Variants in SULF2 observed in about 807,000 individuals in gnomAD.
The protein encoded by SULF2 is sulfatase 2, also known as extracellular sulfatase Sulf-2.
A neutral mutation model predicts 107.7 loss-of-function variants in SULF2; 52 were observed. The ratio of observed to expected loss-of-function variants is 0.48; its 90% CI spans 0.39 to 0.61. The LOEUF is 0.61. Among genes scored for constraint, SULF2 ranks in the 20% least tolerant of loss-of-function variants. The pLI, the probability that SULF2 is intolerant of heterozygous loss-of-function variation, is 0.00. For missense variants in SULF2, 993 were observed against 1,177.3 expected (o/e 0.84, Z 2.29); for synonymous variants, 460 against 464.3 (o/e 0.99, Z 0.12).
chr20:47,663,679 G>A, intron 15 of SULF2, 57 bp from the exon 16 acceptor site: 1 of 1,506,342 alleles, frequency 6.6e-7, no homozygotes, highest in Non-Finnish European at 8.9e-7. Context: ...GTGACCCCAT[G>A]TCTCTGCTCT....
chr20:47,721,315 C>T (rs767149956), intron 3 of SULF2, among the ~76,000 whole-genome samples: 16 of 151,462 alleles, frequency 1.1e-4, no homozygotes, highest in Non-Finnish European at 2.2e-4. Context: ...GGAAGCAGAG[C>T]GAGCTGGGGG....
At chr20:47,691,044 G>A (rs1484889486) in intron 4 of SULF2, among the ~76,000 whole-genome samples, 1 of 152,190 alleles carries the variant, frequency 6.6e-6, no homozygotes, top group East Asian at 1.9e-4. Flanking sequence ...GCACAGAGAA[G>A]CTAAGTAAAT....
chr20:47,694,279 C>A lies in SULF2; in HGVS notation c.568-3984G>T, dbSNP rs970686431. 6.6e-6 allele frequency among the ~76,000 whole-genome samples: 1 copy of A among 152,110 alleles called. No homozygotes were observed. The highest frequency in any genetic ancestry group is 1.5e-5 in the Non-Finnish European group (1 of 68,020). Reference sequence around the variant, plus strand: ...TGCTCAGGGGCAGCCAGGACAGCCACTGGGTGGATGTGGGGTGCGGGAGGG... The same window carrying A: ...TGCTCAGGGGCAGCCAGGACAGCCAATGGGTGGATGTGGGGTGCGGGAGGG... On this transcript the variant is annotated intron_variant, in intron 4 of 20. Transcript: ENST00000688720. This position sits in a 1 kb window ranked among gnomAD's most constrained non-coding sequence, Gnocchi z 4.4.
chr20:47,771,063 C>G (rs2090620808), intron 1 of SULF2, among the ~76,000 whole-genome samples: 1 of 152,200 alleles, frequency 6.6e-6, no homozygotes, highest in Non-Finnish European at 1.5e-5. Flanking sequence ...AACAGTCAGT[C>G]CTGCTGGGTC....
chr20:47,739,781 C>A (rs548164588), intron 2 of SULF2, among the ~76,000 whole-genome samples: 53 of 152,238 alleles, frequency 3.5e-4, no homozygotes, highest in Admixed American at 6.5e-4. Context: ...CAGAGACCAG[C>A]TAAATTAACA....
chr20:47,776,757 G>A (rs1237104547), intron 1 of SULF2, among the ~76,000 whole-genome samples: 4 of 152,154 alleles, frequency 2.6e-5, no homozygotes, highest in Non-Finnish European at 4.4e-5. Flanking sequence ...TAAAGGGGAC[G>A]ATCCTTCCTC....
chr20:47,775,767 T>C (rs969878179), intron 1 of SULF2, among the ~76,000 whole-genome samples: 22 of 152,218 alleles, frequency 1.4e-4, no homozygotes, highest in Non-Finnish European at 2.9e-5. Context: ...GTTTCCTTAC[T>C]GATAAAGTGA....
intron 2 of SULF2, among the ~76,000 whole-genome samples, chr20:47,744,084 A>G (rs1162124381): frequency 1.3e-5 from 2 of 152,184 alleles, no homozygotes; most frequent in African/African-American, 2.4e-5. Context: ...CTTAGGGGAC[A>G]TGCAGGTGCC....
intron 14 of SULF2, 28 bp from the exon 15 acceptor site, chr20:47,664,217 T>A (rs765109510): frequency 6.2e-7 from 1 of 1,605,038 alleles, no homozygotes; most frequent in Non-Finnish European, 8.5e-7. Flanking sequence ...AGCCCCAGGC[T>A]TCAGGAGTGG....
intron 1 of SULF2, among the ~76,000 whole-genome samples, chr20:47,782,557 C>T (rs2090851584): frequency 6.6e-6 from 1 of 152,184 alleles, no homozygotes; most frequent in Non-Finnish European, 1.5e-5. Flanking sequence ...GCACCACCCC[C>T]AGGGCCAGGC....
intron 3 of SULF2, among the ~76,000 whole-genome samples, chr20:47,710,345 A>G (rs1308675263): frequency 6.6e-6 from 1 of 151,734 alleles, no homozygotes; most frequent in Non-Finnish European, 1.5e-5. Context: ...CCATATTTTT[A>G]CTGTACTCTA....
intron 3 of SULF2, among the ~76,000 whole-genome samples, chr20:47,731,191 T>C (rs893687005): frequency 8.5e-4 from 82 of 96,472 alleles, no homozygotes; most frequent in African/African-American, 3.2e-3. Context: ...TCTTCTCTTT[T>C]TTTTTTTTTT....
intron 1 of SULF2, among the ~76,000 whole-genome samples, chr20:47,768,746 C>CCTGGCCCT (rs1336955939): frequency 6.6e-6 from 1 of 152,240 alleles, no homozygotes; most frequent in African/African-American, 2.4e-5. Context: ...TTGGGCCTTC[C>CCTGGCCCT]CTGGCCCTCT....
intron 1 of SULF2, among the ~76,000 whole-genome samples, chr20:47,781,231 C>T (rs560438621): frequency 1.6e-4 from 25 of 152,382 alleles, no homozygotes; most frequent in African/African-American, 5.8e-4. Context: ...TCCCCAGTCT[C>T]CACCTTGGCC....
intron 2 of SULF2, among the ~76,000 whole-genome samples, chr20:47,743,246 C>G (rs1395293894): frequency 6.6e-6 from 1 of 152,130 alleles, no homozygotes; most frequent in Non-Finnish European, 1.5e-5. Context: ...TCACTCTAAT[C>G]ACTGTTTTCT....
At chr20:47,690,050 C>T (rs1325153035) in intron 5 of SULF2, 76 bp downstream of exon 5, 2 of 1,285,796 alleles carry the variant, frequency 1.6e-6, no homozygotes, top group Non-Finnish European at 2.0e-6. Flanking sequence ...ATGGTGGTGA[C>T]AGTACTGTTG....
intron 2 of SULF2, among the ~76,000 whole-genome samples, chr20:47,750,510 T>C (rs755995103): frequency 2.6e-5 from 4 of 152,202 alleles, no homozygotes; most frequent in Non-Finnish European, 5.9e-5. Context: ...AGACTCCTCA[T>C]TGGGCTCATC....
chr20:47,765,096 A>G (rs965653504), intron 1 of SULF2, among the ~76,000 whole-genome samples: 1 of 152,180 alleles, frequency 6.6e-6, no homozygotes, highest in Non-Finnish European at 1.5e-5. Flanking sequence ...TCACGTCTGT[A>G]ATCCCAGCAC....
intron 1 of SULF2, among the ~76,000 whole-genome samples, chr20:47,761,637 T>A (rs926432449): frequency 6.6e-6 from 1 of 152,218 alleles, no homozygotes; most frequent in Non-Finnish European, 1.5e-5. Flanking sequence ...TGAAGTGAGA[T>A]TAGCAGGTGT....
Sources: allele counts gnomAD v4.1 joint callset (sites outside exome capture counted in the v4.1 genomes callset), GRCh38; gene constraint gnomAD v4.1.1; non-coding constraint Gnocchi (gnomAD v3.1); transcripts MANE v1.5; gene names NCBI Gene and HGNC (gene_info 2026-07-23, HGNC 2026-07-21).